Variants in METTL24 observed in about 807,000 individuals in gnomAD.
METTL24 encodes methyltransferase like 24, also known as probable methyltransferase-like protein 24.
Under a neutral mutation model 32.7 loss-of-function variants are expected in METTL24, and 29 were observed. That is an observed-to-expected ratio of 0.89 (90% CI 0.66 to 1.21). The LOEUF is 1.21. METTL24 is among the 50% of genes most tolerant of loss of function. The pLI is 0.00. For missense variants in METTL24, 439 were observed against 468.1 expected, an observed-to-expected ratio of 0.94 and a Z score of 0.57; for synonymous variants, 163 against 179.5, an observed-to-expected ratio of 0.91 and a Z score of 0.73.
intron 4 of METTL24, among the ~76,000 whole-genome samples, chr6:110,286,940 C>T (rs1771231966): frequency 6.6e-6 from 1 of 152,210 alleles, no homozygotes; most frequent in Admixed American, 6.5e-5. Flanking sequence ...CCTTGCTCCT[C>T]AGCCTGCAGA....
intron 4 of METTL24, among the ~76,000 whole-genome samples, chr6:110,265,901 T>TC (rs1201322098): frequency 6.6e-6 from 1 of 151,530 alleles, no homozygotes; most frequent in African/African-American, 2.4e-5. Flanking sequence ...CTCCTCCTCC[T>TC]CTTTCTTCTT....
Position 110,245,919 on chromosome 6 carries a change from C to T in METTL24, c.*27G>A, listed in dbSNP as rs1370291558. On this transcript the variant is annotated 3_prime_UTR_variant, in exon 5 of 5. Transcript: ENST00000338882. Reference sequence around the variant, plus strand: ...ACATGCTGCATTCTGCAAATATTTTCTTGTGCTCTTGATGACATCCTGCAT... The same window carrying T: ...ACATGCTGCATTCTGCAAATATTTTTTTGTGCTCTTGATGACATCCTGCAT... The T allele has an allele frequency of 6.4e-6, 10 of 1,572,536 alleles. No homozygotes were observed. Among genetic ancestry groups the T allele is most frequent in the Admixed American group, 3.5e-5 (2 of 56,958 alleles).
chr6:110,303,763 C>T (rs1771580379), intron 3 of METTL24, among the ~76,000 whole-genome samples: 1 of 152,252 alleles, frequency 6.6e-6, no homozygotes, highest in Admixed American at 6.5e-5. Flanking sequence ...ACATTCCTGC[C>T]TACTGGCTCC....
intron 1 of METTL24, among the ~76,000 whole-genome samples, chr6:110,330,578 A>G (rs2114761255): frequency 6.6e-6 from 1 of 151,756 alleles, no homozygotes; most frequent in South Asian, 2.1e-4. Flanking sequence ...CTGGCACAGC[A>G]AAGACTGAGA....
intron 4 of METTL24, among the ~76,000 whole-genome samples, chr6:110,278,447 T>C (rs1771083497): frequency 6.6e-6 from 1 of 152,178 alleles, no homozygotes; most frequent in African/African-American, 2.4e-5. Flanking sequence ...AAGTTTAATT[T>C]TTCTGTGAAA....
At chr6:110,281,078 T>A (rs1324960673) in intron 4 of METTL24, among the ~76,000 whole-genome samples, 1 of 152,194 alleles carries the variant, frequency 6.6e-6, no homozygotes, top group African/African-American at 2.4e-5. Context: ...GCCACTTATG[T>A]GATTAAAAAT....
intron 4 of METTL24, among the ~76,000 whole-genome samples, chr6:110,260,229 C>T (rs545966251): frequency 1.6e-4 from 24 of 152,174 alleles, no homozygotes; most frequent in Admixed American, 6.5e-4. Context: ...AAAGATTAGA[C>T]GAATGGCTAA....
intron 4 of METTL24, among the ~76,000 whole-genome samples, chr6:110,274,411 G>T (rs920501933): frequency 6.6e-6 from 1 of 152,228 alleles, no homozygotes; most frequent in East Asian, 1.9e-4. Context: ...ACTCAGGAAT[G>T]GAAAACCAAA....
intron 3 of METTL24, among the ~76,000 whole-genome samples, chr6:110,308,296 G>A (rs544579041): frequency 6.6e-6 from 1 of 152,328 alleles, no homozygotes; most frequent in South Asian, 2.1e-4. Context: ...GGCAGAAGGG[G>A]TGGGTTGTGG....
rs79309103 is a variant in METTL24 at position 110,246,144 on chromosome 6, C to A, written c.903G>T (p.Trp301Cys). 1,091 of 1,614,130 alleles carry A rather than the reference C, an allele frequency of 6.8e-4. 12 individuals carry two copies. The African/African-American group carries it at 0.012, about 18-fold the overall frequency. Residue 301 changes from tryptophan to cysteine, a missense_variant, in exon 5 of 5, where the codon TGG becomes TGT. By Grantham distance (215) the Trp-to-Cys change is radical. Coordinates refer to ENST00000338882, the MANE Select transcript of METTL24 (RefSeq NM_001123364.3). ...GQLIFEIHLH[W>C]PGFEVSGSDS... ...CACTGCCACTGACCTCAAACCCAGGCCAGTGGAGATGGATCTCAAAGATGA... is the reference window on the plus strand; with the variant it reads ...CACTGCCACTGACCTCAAACCCAGGACAGTGGAGATGGATCTCAAAGATGA...
chr6:110,247,498 TTA>T (rs1391602355), intron 4 of METTL24, among the ~76,000 whole-genome samples: 1 of 152,204 alleles, frequency 6.6e-6, no homozygotes, highest in Admixed American at 6.5e-5. Flanking sequence ...GAGTAAAGTA[TTA>T]TTATCAATAT....
intron 4 of METTL24, among the ~76,000 whole-genome samples, chr6:110,278,995 T>C (rs1012781852): frequency 1.3e-5 from 2 of 152,038 alleles, no homozygotes; most frequent in African/African-American, 2.4e-5. Flanking sequence ...GCACTCAGCC[T>C]GGGAAACAGT....
At chr6:110,270,429 G>T (rs1214778646) in intron 4 of METTL24, among the ~76,000 whole-genome samples, 1 of 152,090 alleles carries the variant, frequency 6.6e-6, no homozygotes, top group African/African-American at 2.4e-5. Context: ...AGCTTCCCCA[G>T]TGTGCGTACA....
chr6:110,335,575 T>G (rs1026537691), intron 1 of METTL24, among the ~76,000 whole-genome samples: 9 of 143,900 alleles, frequency 6.3e-5, no homozygotes, highest in South Asian at 2.2e-4. Context: ...TGTTTTTTTT[T>G]TTTTTTTTTT....
intron 4 of METTL24, among the ~76,000 whole-genome samples, chr6:110,247,122 A>G (rs1778181921): frequency 6.6e-6 from 1 of 152,242 alleles, no homozygotes; most frequent in South Asian, 2.1e-4. Context: ...CCGTTAGAAC[A>G]CCAGAACCCT....
chr6:110,304,901 C>T (rs182464962), intron 3 of METTL24, among the ~76,000 whole-genome samples: 20 of 152,236 alleles, frequency 1.3e-4, no homozygotes, highest in African/African-American at 4.6e-4. Flanking sequence ...TTAAAGGAAG[C>T]CAGAGAGAAA....
intron 1 of METTL24, among the ~76,000 whole-genome samples, chr6:110,331,009 T>C (rs1311705755): frequency 6.6e-6 from 1 of 152,006 alleles, no homozygotes; most frequent in African/African-American, 2.4e-5. Flanking sequence ...TACAAAATAA[T>C]CCATGAAGTA....
At chr6:110,319,019 T>C (rs181703255) in intron 2 of METTL24, among the ~76,000 whole-genome samples, 94 of 152,360 alleles carry the variant, frequency 6.2e-4, no homozygotes, top group Non-Finnish European at 1.1e-3. Flanking sequence ...ATTTTTTTAA[T>C]TATTTAACTT....
At position 110,290,506 on chromosome 6, in the gene METTL24, A is replaced by G. The variant is rs761033488; in HGVS notation, c.786+8416T>C. Among the ~76,000 whole-genome samples the G allele has an allele frequency of 4.3e-4, 66 of 152,228 alleles. 1 individual carries two copies. The highest frequency in any genetic ancestry group is 2.5e-4 in the Non-Finnish European group (17 of 68,040). On this transcript the variant is annotated intron_variant, in intron 4 of 4. Transcript: ENST00000338882. ...GAGACTCATTTGTGTAGTATGTGTC[A>G]CAAAGCTTATTCCTTTTCATTGATC... is the stretch of plus-strand genomic sequence containing the variant.
Sources: gnomAD v4.1 joint callset for allele counts (sites outside exome capture counted in the v4.1 genomes callset) on GRCh38, gnomAD v4.1.1 for gene constraint, MANE v1.5 for transcripts, NCBI Gene and HGNC (gene_info 2026-07-23, HGNC 2026-07-21) for gene names.